The following FTCD variants were observed in gnomAD, a reference collection of about 807,000 sequenced individuals.
FTCD encodes formimidoyltransferase cyclodeaminase, also known as formimidoyltransferase-cyclodeaminase.
A neutral mutation model predicts 62.9 loss-of-function variants in FTCD; 76 were observed. The ratio of observed to expected loss-of-function variants is 1.21; its 90% CI spans 1.00 to 1.46. The LOEUF is 1.46. FTCD is among the 40% of genes most tolerant of loss of function. The probability of loss-of-function intolerance (pLI) is 0.00; values close to 1 mark genes in which losing one functional copy is unlikely to be tolerated. For synonymous variants in FTCD, 397 were observed against 336.9 expected, an observed-to-expected ratio of 1.18 and a Z score of -1.95; for missense variants, 845 against 751.3, an observed-to-expected ratio of 1.12 and a Z score of -1.46.
chr21:46,151,240 G>A (rs754312586), intron 5 of FTCD, among the ~76,000 whole-genome samples: 1 of 152,202 alleles, frequency 6.6e-6, no homozygotes, highest in Non-Finnish European at 1.5e-5. Context: ...GGCCCCTGAG[G>A]GCACCTGGGA....
chr21:46,136,488 G>A (rs1157105547), downstream of FTCD: 2 of 1,612,592 alleles, frequency 1.2e-6, no homozygotes, highest in Non-Finnish European at 1.7e-6. Flanking sequence ...TGCTGTCCCT[G>A]GGGTTTCTGT....
intron 8 of FTCD, 44 bp from the exon 9 acceptor site, chr21:46,145,991 G>T: frequency 8.1e-7 from 1 of 1,242,134 alleles, no homozygotes; most frequent in Non-Finnish European, 1.1e-6. Context: ...GGGGTTGGTG[G>T]GGGGAGCGCA....
At chr21:46,151,473 C>T in intron 5 of FTCD, 85 bp downstream of exon 5, 1 of 1,297,982 alleles carries the variant, frequency 7.7e-7, no homozygotes, top group Non-Finnish European at 1.1e-6. Flanking sequence ...CCCATCCCCA[C>T]CGACCTCCCC....
chr21:46,153,134 C>T (rs1006990900), intron 2 of FTCD, 99 bp from the exon 3 acceptor site: 3 of 1,285,948 alleles, frequency 2.3e-6, no homozygotes, highest in Admixed American at 2.3e-5. Context: ...GCCTGGGCAG[C>T]CCCCAGTCCA....
intron 10 of FTCD, among the ~76,000 whole-genome samples, chr21:46,139,891 T>C (rs1043591597): frequency 2.0e-5 from 3 of 152,148 alleles, no homozygotes; most frequent in Non-Finnish European, 2.9e-5. Flanking sequence ...CACCCAGGCC[T>C]TGCGGTGTCC....
At chr21:46,141,731 C>T (rs1259929420) in intron 10 of FTCD, among the ~76,000 whole-genome samples, 1 of 150,636 alleles carries the variant, frequency 6.6e-6, no homozygotes, top group Admixed American at 6.6e-5. Flanking sequence ...AAAAAAAATA[C>T]TAGAAGGCAG....
chr21:46,150,004 A>G, intron 7 of FTCD, 115 bp downstream of exon 7: 2 of 1,014,650 alleles, frequency 2.0e-6, no homozygotes, highest in Non-Finnish European at 3.0e-6. Context: ...CAAGTCAATA[A>G]AATGAAGGGG....
chr21:46,145,681 G>A lies in FTCD; in HGVS notation c.1099-103C>T, dbSNP rs1469215889. 4.8e-5 allele frequency: 30 copies of A among 622,200 alleles called. No homozygotes were observed. In the East Asian group the frequency reaches 5.8e-4, roughly 12 times the overall value. 38.5% of individuals were successfully genotyped at this position (622,200 alleles called of 1,614,324 possible). A position where few individuals can be genotyped will look rare whatever the true frequency, so the allele number is the denominator to read the frequency against. ...GGTGATCCCTGCGGGGGTCCCACCC[G>A]TGTGGCCCCCACGTCTCCACCCAGG... On this transcript the variant is annotated intron_variant, in intron 9 of 13. Transcript: ENST00000397746.
chr21:46,155,524 G>T lies in FTCD; in HGVS notation c.-1C>A. The T allele has an allele frequency of 6.2e-7, 1 of 1,612,522 alleles. No individual in the cohort carries two copies. On this transcript the variant is annotated 5_prime_UTR_variant, in exon 1 of 14. Coordinates refer to ENST00000397746, the MANE Select transcript of FTCD (RefSeq NM_206965.2). ...GGACGCATTCCACCAGCTGGGACAT[G>T]GCCAGCACCTTGATCCAGATGCTCC... is the stretch of plus-strand genomic sequence containing the variant.
Position 46,136,985 on chromosome 21 carries a change from C to G in FTCD, c.*2G>C, listed in dbSNP as rs200850490. On this transcript the variant is annotated 3_prime_UTR_variant, in exon 14 of 14. Transcript: ENST00000397746. ...CAGAGCCCGGAGAGGCCTCCCGCACCGTCACTCCTGCCGGGTCTCCAAGCA... is the reference window on the plus strand; with the variant it reads ...CAGAGCCCGGAGAGGCCTCCCGCACGGTCACTCCTGCCGGGTCTCCAAGCA... 2.5e-6 allele frequency: 4 copies of G among 1,613,104 alleles called. No individual in the cohort carries two copies. Among genetic ancestry groups the G allele is most frequent in the South Asian group, 2.2e-5 (2 of 91,080 alleles).
At chr21:46,150,042 G>T in intron 7 of FTCD, 77 bp downstream of exon 7, 1 of 1,266,516 alleles carries the variant, frequency 7.9e-7, no homozygotes, top group Non-Finnish European at 1.1e-6. Flanking sequence ...CTGCGCCCCA[G>T]GGCTGTGAGC....
chr21:46,155,150 C>A (rs573194534), intron 1 of FTCD, among the ~76,000 whole-genome samples: 1 of 152,212 alleles, frequency 6.6e-6, no homozygotes, highest in Non-Finnish European at 1.5e-5. Context: ...GGCAGGAGCC[C>A]CATTTTCAGG....
rs1381857954 is a variant in FTCD, at chr21:46,154,329, T to A, written c.58A>T (p.Ile20Phe). The A allele has an allele frequency of 1.9e-6, 3 of 1,609,610 alleles. No individual in the cohort carries two copies. The highest frequency in any genetic ancestry group is 2.5e-6 in the Non-Finnish European group (3 of 1,179,230). The change falls in exon 2 of 14, where the codon ATC becomes TTC. Residue 20 changes from isoleucine to phenylalanine, a missense_variant. Transcript: ENST00000397746. ...GTGATGGCTCCAGAGATGGCGTCGA[T>A]CACCTGGGACACAGGCCCGGCCCCC... ...NFSEGKNQEVIDAISGAITQT... is the reference protein window; with the variant it reads ...NFSEGKNQEVFDAISGAITQT...
chr21:46,154,480 C>T (rs940224169), intron 1 of FTCD, 148 bp from the exon 2 acceptor site: 33 of 1,004,556 alleles, frequency 3.3e-5, no homozygotes, highest in Non-Finnish European at 4.3e-5. Flanking sequence ...GAGCTCCCAC[C>T]GAAAGTGCCC....
intron 10 of FTCD, chr21:46,142,316 C>T (rs1423662537): frequency 6.6e-6 from 1 of 151,280 alleles, no homozygotes; most frequent in Non-Finnish European, 1.5e-5. Context: ...TTTCTTCCTC[C>T]CGGTGAGGCC....
chr21:46,137,637 G>A (rs2078900452), intron 12 of FTCD, among the ~76,000 whole-genome samples: 1 of 152,118 alleles, frequency 6.6e-6, no homozygotes, highest in Admixed American at 6.5e-5. Flanking sequence ...TCCCCTGGAG[G>A]GCCCCCGGAG....
At chr21:46,142,679 C>G (rs575906806) in intron 10 of FTCD, 1 of 152,250 alleles carries the variant, frequency 6.6e-6, no homozygotes, top group Non-Finnish European at 1.5e-5. Context: ...AAAGCCCCCA[C>G]AGCTTGGAAC....
chr21:46,138,974 C>T (rs748018361), intron 10 of FTCD, 51 bp from the exon 11 acceptor site: 27 of 1,427,960 alleles, frequency 1.9e-5, no homozygotes, highest in Non-Finnish European at 2.5e-5. Context: ...GGGGAGCAGC[C>T]ATGCCCTCTG....
chr21:46,137,664 G>A (rs138380420), intron 12 of FTCD, among the ~76,000 whole-genome samples: 51 of 152,214 alleles, frequency 3.4e-4, no homozygotes, highest in Non-Finnish European at 6.8e-4. Flanking sequence ...TCAGGCTAAC[G>A]GCCCGCCCAC....
Sources: allele counts gnomAD v4.1 joint callset (sites outside exome capture counted in the v4.1 genomes callset), GRCh38; gene constraint gnomAD v4.1.1; transcripts MANE v1.5; gene names NCBI Gene and HGNC (gene_info 2026-07-23, HGNC 2026-07-21).